The following CASQ2 variants were observed in gnomAD, a reference collection of about 807,000 sequenced individuals.
CASQ2 encodes the protein calsequestrin-2.
In CASQ2, 49 loss-of-function variants were observed where a neutral mutation model predicts 46.5. The ratio of observed to expected loss-of-function variants is 1.05; its 90% CI spans 0.84 to 1.34. The LOEUF is 1.34. Ranked by LOEUF, CASQ2 falls within the 40% of genes most tolerant of loss-of-function variation. The pLI is 0.00. For missense variants in CASQ2, 486 were observed against 481.3 expected, an observed-to-expected ratio of 1.01 and a Z score of -0.09; for synonymous variants, 174 against 168.5, an observed-to-expected ratio of 1.03 and a Z score of -0.25.
At chr1:115,729,348 C>T (rs948812336) in intron 5 of CASQ2, among the ~76,000 whole-genome samples, 6 of 152,022 alleles carry the variant, frequency 3.9e-5, no homozygotes, top group African/African-American at 1.4e-4. Flanking sequence ...CCACTGCGCC[C>T]GACCCCCTCT....
chr1:115,743,817 C>A (rs1174011831), intron 2 of CASQ2, among the ~76,000 whole-genome samples: 2 of 151,524 alleles, frequency 1.3e-5, no homozygotes, highest in Admixed American at 1.3e-4. Flanking sequence ...GCCAAATGGG[C>A]AGTACATGTG....
intron 1 of CASQ2, among the ~76,000 whole-genome samples, chr1:115,754,078 C>T (rs1264310205): frequency 1.3e-5 from 2 of 152,182 alleles, no homozygotes; most frequent in Non-Finnish European, 2.9e-5. Context: ...AATTCAACAA[C>T]TGTGTGTCCT....
rs189655686 is a variant in CASQ2, at chr1:115,722,088, G to A, written c.783+3420C>T. 4.6e-3 allele frequency among the ~76,000 whole-genome samples: 705 copies of A among 152,268 alleles called. 4 individuals carry two copies. Among genetic ancestry groups the A allele is most frequent in the Non-Finnish European group, 7.7e-3 (525 of 68,014 alleles). ...TCAAGGAAACAAAGATGACACTGGA[G>A]AGGCCTGTCCTGCCTTCCCCCTAGT... is the stretch of plus-strand genomic sequence containing the variant. On this transcript the variant is annotated intron_variant, in intron 7 of 10. Transcript: ENST00000261448.
At chr1:115,735,852 A>G (rs1431300894) in intron 4 of CASQ2, among the ~76,000 whole-genome samples, 1 of 152,240 alleles carries the variant, frequency 6.6e-6, no homozygotes, top group Admixed American at 6.5e-5. Flanking sequence ...TGGCAAAAAA[A>G]GAAAGCTCAT....
intron 2 of CASQ2, among the ~76,000 whole-genome samples, chr1:115,742,147 G>C (rs1374819490): frequency 6.6e-6 from 1 of 151,982 alleles, no homozygotes; most frequent in Non-Finnish European, 1.5e-5. Flanking sequence ...GAATAGCTGA[G>C]ACTACAGGCA....
intron 1 of CASQ2, among the ~76,000 whole-genome samples, chr1:115,765,523 A>G (rs1468031854): frequency 6.6e-6 from 1 of 152,204 alleles, no homozygotes; most frequent in Non-Finnish European, 1.5e-5. Flanking sequence ...TCCTCACTGG[A>G]GAGGGAAATC....
intron 8 of CASQ2, among the ~76,000 whole-genome samples, chr1:115,711,072 C>G (rs1057325827): frequency 1.3e-5 from 2 of 152,178 alleles, no homozygotes; most frequent in Non-Finnish European, 2.9e-5. Context: ...TGAACAGGTC[C>G]ACAGCATGCA....
intron 8 of CASQ2, among the ~76,000 whole-genome samples, chr1:115,707,345 C>T (rs1365593656): frequency 3.3e-5 from 5 of 152,118 alleles, no homozygotes; most frequent in South Asian, 2.1e-4. Context: ...TCTTTATGGC[C>T]GGTGGCCACT....
At chr1:115,739,912 C>G (rs1048550171) in intron 3 of CASQ2, among the ~76,000 whole-genome samples, 7 of 152,194 alleles carry the variant, frequency 4.6e-5, no homozygotes, top group Admixed American at 3.3e-4. Context: ...TTCTGTCACC[C>G]CTCTCAACTT....
chr1:115,700,674 G>C lies in CASQ2; in HGVS notation c.*567C>G. ...ATAGTGATATGAATGACCATCACTTGAAATAAGTTTAACAAAGCCATGAGA... is the reference window on the plus strand; with the variant it reads ...ATAGTGATATGAATGACCATCACTTCAAATAAGTTTAACAAAGCCATGAGA... On this transcript the variant is annotated 3_prime_UTR_variant, in exon 11 of 11. Coordinates refer to ENST00000261448, the MANE Select transcript of CASQ2 (RefSeq NM_001232.4). 1 of 244,478 alleles carries C rather than the reference G, an allele frequency of 4.1e-6. No individual in the cohort carries two copies. The highest frequency in any genetic ancestry group is 1.1e-4 in the South Asian group (1 of 8,906). 15.1% of individuals were successfully genotyped at this position (244,478 alleles called of 1,614,324 possible).
At chr1:115,727,527 A>C (rs1647637412) in intron 5 of CASQ2, among the ~76,000 whole-genome samples, 1 of 152,218 alleles carries the variant, frequency 6.6e-6, no homozygotes, top group South Asian at 2.1e-4. Context: ...TAAAACAGGC[A>C]ATTGATGGAG....
chr1:115,707,573 G>A (rs1654401945), intron 8 of CASQ2, among the ~76,000 whole-genome samples: 2 of 152,164 alleles, frequency 1.3e-5, no homozygotes, highest in African/African-American at 4.8e-5. Flanking sequence ...GTGTATCACT[G>A]ACTGACGTGT....
At chr1:115,726,095 T>C (rs1262084469) in intron 6 of CASQ2, among the ~76,000 whole-genome samples, 2 of 152,216 alleles carry the variant, frequency 1.3e-5, no homozygotes, top group East Asian at 1.9e-4. Flanking sequence ...GACATATTAA[T>C]ATTTGCTCCT....
intron 7 of CASQ2, among the ~76,000 whole-genome samples, chr1:115,720,039 T>C (rs1047308553): frequency 6.6e-6 from 1 of 152,200 alleles, no homozygotes; most frequent in Non-Finnish European, 1.5e-5. Flanking sequence ...AAAGTCTTAT[T>C]CTTATTGAAT....
intron 1 of CASQ2, among the ~76,000 whole-genome samples, chr1:115,766,337 C>G (rs113433095): frequency 6.6e-6 from 1 of 152,196 alleles, no homozygotes; most frequent in Non-Finnish European, 1.5e-5. Context: ...AACTTAGCCT[C>G]TCTGCTTCAG....
intron 5 of CASQ2, among the ~76,000 whole-genome samples, chr1:115,730,575 G>A (rs1378080867): frequency 7.2e-5 from 11 of 152,142 alleles, no homozygotes; most frequent in Admixed American, 4.6e-4. Flanking sequence ...TTAGAAAATA[G>A]AACTCATAAC....
Position 115,740,784 on chromosome 1 carries a change from T to A in CASQ2, c.364A>T (p.Thr122Ser). The change falls in exon 3 of 11, where the codon ACA becomes TCA. Residue 122 changes from threonine to serine, a missense_variant. Transcript: ENST00000261448. ...GSLYILKGDRTIEFDGEFAAD... is the reference protein window; with the variant it reads ...GSLYILKGDRSIEFDGEFAAD... ...GCAAACTCGCCATCAAACTCTATTG[T>A]GCGATCACCCTTAAGAATATACAGG... 1 of 1,613,824 alleles carries A rather than the reference T, an allele frequency of 6.2e-7. No homozygotes were observed.
chr1:115,744,107 G>A (rs1333024143), intron 2 of CASQ2, among the ~76,000 whole-genome samples: 2 of 148,638 alleles, frequency 1.3e-5, no homozygotes, highest in East Asian at 2.0e-4. Flanking sequence ...TCACATCACG[G>A]CACTCCAGCC....
intron 4 of CASQ2, among the ~76,000 whole-genome samples, chr1:115,737,499 A>G (rs1458279774): frequency 9.2e-5 from 14 of 152,192 alleles, no homozygotes; most frequent in Admixed American, 9.2e-4. Flanking sequence ...CAAGGCTGAG[A>G]TACCAGAAAA....
Sources: gnomAD v4.1 joint callset for allele counts (sites outside exome capture counted in the v4.1 genomes callset) on GRCh38, gnomAD v4.1.1 for gene constraint, MANE v1.5 for transcripts, NCBI Gene and HGNC (gene_info 2026-07-23, HGNC 2026-07-21) for gene names.